The following OLFM4 variants were observed in gnomAD, a reference collection of about 807,000 sequenced individuals.
The protein encoded by OLFM4 is olfactomedin 4, also known as olfactomedin-4.
Under a neutral mutation model 25.5 loss-of-function variants are expected in OLFM4, and 22 were observed. The observed-to-expected ratio is 0.86, with a 90% CI of 0.62 to 1.23. The LOEUF (loss-of-function observed/expected upper bound fraction) is 1.23. Among genes scored for constraint, OLFM4 ranks in the 50% most tolerant of loss-of-function variants. OLFM4 has a pLI of 0.00. For synonymous variants in OLFM4, 255 were observed against 237.7 expected (o/e 1.07, Z -0.67); for missense variants, 594 against 619.4 (o/e 0.96, Z 0.44).
At chr13:53,040,127 G>A (rs1954679825) in intron 2 of OLFM4, among the ~76,000 whole-genome samples, 1 of 152,138 alleles carries the variant, frequency 6.6e-6, no homozygotes, top group Non-Finnish European at 1.5e-5. Flanking sequence ...CTTATTTAAT[G>A]AGCAGGTCCT....
chr13:53,045,978 T>G (rs1954713528), intron 4 of OLFM4, among the ~76,000 whole-genome samples: 1 of 152,126 alleles, frequency 6.6e-6, no homozygotes, highest in Admixed American at 6.6e-5. Flanking sequence ...GGATGCAAGG[T>G]TCTGTGCTGG....
At chr13:53,047,497 C>A (rs59345770) in intron 4 of OLFM4, among the ~76,000 whole-genome samples, 1 of 152,066 alleles carries the variant, frequency 6.6e-6, no homozygotes, top group African/African-American at 2.4e-5. Context: ...TCCTTTCTAC[C>A]ACAGCCGGGG....
At position 53,050,384 on chromosome 13, in the gene OLFM4, T is replaced by G; in HGVS notation, c.1146T>G (p.Asp382Glu). The G allele has an allele frequency of 6.2e-7, 1 of 1,614,102 alleles. No homozygotes were observed. Among genetic ancestry groups the G allele is most frequent in the Non-Finnish European group, 8.5e-7 (1 of 1,179,980 alleles). The change falls in exon 5 of 5, where the codon GAT becomes GAG. Residue 382 changes from aspartate to glutamate, a missense_variant. By Grantham distance (45) the Asp-to-Glu change is conservative (BLOSUM62 2). Transcript: ENST00000219022. ...CATATGCTAATGTTGCTTGGCAAGA[T>G]ATTGACTTTGCTGTGGATGAGAATG... ...RFSYANVAWQ[D>E]IDFAVDENGL... is the part of the protein sequence containing the mutation.
At chr13:53,041,319 T>A (rs142127770) in intron 2 of OLFM4, among the ~76,000 whole-genome samples, 2 of 152,262 alleles carry the variant, frequency 1.3e-5, no homozygotes, top group East Asian at 3.9e-4. Flanking sequence ...ATGTTCTTTG[T>A]AGGAACATGG....
intron 2 of OLFM4, among the ~76,000 whole-genome samples, chr13:53,039,443 A>T (rs956628044): frequency 6.6e-6 from 1 of 152,220 alleles, no homozygotes; most frequent in African/African-American, 2.4e-5. Flanking sequence ...AGATATAACC[A>T]AACTCAGATT....
chr13:53,050,662 A>G lies in OLFM4; in HGVS notation c.1424A>G (p.Gln475Arg), dbSNP rs781324654. 1 of 1,613,964 alleles carries G rather than the reference A, an allele frequency of 6.2e-7. No homozygotes were observed. Among genetic ancestry groups the G allele is most frequent in the Non-Finnish European group, 8.5e-7 (1 of 1,179,930 alleles). The change falls in exon 5 of 5, where the codon CAG (glutamine) becomes CGG (arginine). Residue 475 changes from glutamine to arginine, a missense_variant. By Grantham distance (43) the Gln-to-Arg change is conservative. Coordinates refer to ENST00000219022, the MANE Select transcript of OLFM4 (RefSeq NM_006418.5). ...GKLDIVMHKM[Q>R]EKVQSINYNP... ...CTAGACATTGTAATGCATAAGATGC[A>G]GGAAAAAGTGCAGAGCATTAACTAT... is the stretch of plus-strand genomic sequence containing the variant.
intron 4 of OLFM4, among the ~76,000 whole-genome samples, 180 bp downstream of exon 4, chr13:53,043,444 A>T (rs562485605): frequency 6.8e-6 from 1 of 147,404 alleles, no homozygotes; most frequent in African/African-American, 2.5e-5. Context: ...CAAGTATTCT[A>T]CATGCTATCA....
At chr13:53,044,796 G>A (rs563593105) in intron 4 of OLFM4, among the ~76,000 whole-genome samples, 11 of 152,292 alleles carry the variant, frequency 7.2e-5, no homozygotes, top group African/African-American at 2.6e-4. Context: ...TAGCAAATGA[G>A]AGCTGTTTCT....
intron 2 of OLFM4, among the ~76,000 whole-genome samples, chr13:53,034,716 C>T (rs1444740440): frequency 6.6e-6 from 1 of 152,130 alleles, no homozygotes; most frequent in Non-Finnish European, 1.5e-5. Flanking sequence ...AAATTGTTCA[C>T]GCCGTGGATA....
At chr13:53,035,177 C>A (rs945874089) in intron 2 of OLFM4, among the ~76,000 whole-genome samples, 1 of 151,840 alleles carries the variant, frequency 6.6e-6, no homozygotes, top group South Asian at 2.1e-4. Context: ...TTCCTTTAAC[C>A]CTTTTTTATC....
intron 1 of OLFM4, among the ~76,000 whole-genome samples, chr13:53,032,648 A>G (rs1954635320): frequency 6.6e-6 from 1 of 152,062 alleles, no homozygotes; most frequent in African/African-American, 2.4e-5. Context: ...TAGGGATGTG[A>G]TTGGAAAAGA....
At chr13:53,038,068 AAC>A (rs941935270) in intron 2 of OLFM4, among the ~76,000 whole-genome samples, 1 of 152,194 alleles carries the variant, frequency 6.6e-6, no homozygotes, top group African/African-American at 2.4e-5. Context: ...GCTCAACTAA[AAC>A]ATAGATGAGC....
chr13:53,050,646 G>A lies in OLFM4; in HGVS notation c.1408G>A (p.Val470Ile). 6.2e-7 allele frequency: 1 copy of A among 1,613,924 alleles called. No individual in the cohort carries two copies. The highest frequency in any genetic ancestry group is 8.5e-7 in the Non-Finnish European group (1 of 1,179,936). Residue 470 changes from valine to isoleucine, a missense_variant, in exon 5 of 5, where the codon GTA (valine) becomes ATA (isoleucine). Coordinates refer to ENST00000219022, the MANE Select transcript of OLFM4 (RefSeq NM_006418.5). Reference protein sequence around the residue: ...NTGKEGKLDIVMHKMQEKVQS... With the variant: ...NTGKEGKLDIIMHKMQEKVQS... ...AGGGAAAGAGGGCAAACTAGACATT[G>A]TAATGCATAAGATGCAGGAAAAAGT...
At chr13:53,030,856 G>C (rs1231432025) in intron 1 of OLFM4, among the ~76,000 whole-genome samples, 1 of 152,194 alleles carries the variant, frequency 6.6e-6, no homozygotes, top group Admixed American at 6.5e-5. Flanking sequence ...GTAGGCACAA[G>C]GATTCTTTGC....
rs536890525 is a variant in OLFM4, at chr13:53,030,459, C to G, written c.204+1419C>G. 2.0e-5 allele frequency among the ~76,000 whole-genome samples: 3 copies of G among 152,108 alleles called. No individual in the cohort carries two copies. The South Asian group carries it at 6.2e-4, about 31-fold the overall frequency. ...CTGGGATTACAGGCACCCGCCACCA[C>G]GCCTGGCTAATTTTTGTATTTTTAG... On this transcript the variant is annotated intron_variant, in intron 1 of 4. Transcript: ENST00000219022.
At chr13:53,048,115 G>T (rs1054893817) in intron 4 of OLFM4, among the ~76,000 whole-genome samples, 1 of 152,092 alleles carries the variant, frequency 6.6e-6, no homozygotes, top group Admixed American at 6.5e-5. Context: ...TGAACACACC[G>T]CTAACTTTAT....
intron 4 of OLFM4, among the ~76,000 whole-genome samples, chr13:53,046,230 A>G (rs1052340992): frequency 1.3e-5 from 2 of 152,192 alleles, no homozygotes; most frequent in Non-Finnish European, 2.9e-5. Flanking sequence ...GAGAGAGTGC[A>G]TTAATAGATC....
chr13:53,032,802 G>A (rs558756819), intron 1 of OLFM4, among the ~76,000 whole-genome samples: 1 of 152,118 alleles, frequency 6.6e-6, no homozygotes, highest in Admixed American at 6.5e-5. Flanking sequence ...TGGCCCCGAG[G>A]CCAGTGATAA....
rs140341482 is a variant in OLFM4 at position 53,047,070 on chromosome 13, G to A, written c.731-2899G>A. Reference sequence around the variant, plus strand: ...TAAAAGGGTACTGTTGCTCCTGACAGTTCTGTGCTGTGTGTTCTCTTCCAC... The same window carrying A: ...TAAAAGGGTACTGTTGCTCCTGACAATTCTGTGCTGTGTGTTCTCTTCCAC... On this transcript the variant is annotated intron_variant, in intron 4 of 4. Coordinates refer to ENST00000219022, the MANE Select transcript of OLFM4 (RefSeq NM_006418.5). Among the ~76,000 whole-genome samples, 655 of 152,330 alleles carry A rather than the reference G, an allele frequency of 4.3e-3. 3 individuals are homozygous for A. The highest frequency in any genetic ancestry group is 0.015 in the African/African-American group (620 of 41,564).
Sources: allele counts gnomAD v4.1 joint callset (sites outside exome capture counted in the v4.1 genomes callset), GRCh38; gene constraint gnomAD v4.1.1; transcripts MANE v1.5; gene names NCBI Gene and HGNC (gene_info 2026-07-23, HGNC 2026-07-21).